Variants in CFAP20 observed in about 807,000 individuals in gnomAD.
The protein encoded by CFAP20 is cilia- and flagella-associated protein 20.
CFAP20 carries 14 observed loss-of-function variants against 25.5 expected under a neutral mutation model. The observed-to-expected ratio is 0.55, with a 90% confidence interval of 0.36 to 0.86. The LOEUF (loss-of-function observed/expected upper bound fraction) is 0.86, where lower values mean the gene tolerates loss of function less well. Among genes scored for constraint, CFAP20 ranks in the 40% least tolerant of loss-of-function variants. The pLI is 0.01. For synonymous variants in CFAP20, 75 were observed against 91.1 expected, an observed-to-expected ratio of 0.82 and a Z score of 1.01; for missense variants, 181 against 248.0, an observed-to-expected ratio of 0.73 and a Z score of 1.81.
chr16:58,128,244 A>G (rs1597090265), intron 1 of CFAP20, among the ~76,000 whole-genome samples: 1 of 152,228 alleles, frequency 6.6e-6, no homozygotes, highest in African/African-American at 2.4e-5. Context: ...CGTGGGGCCA[A>G]ACACATATCA....
intron 3 of CFAP20, chr16:58,115,817 T>A (rs189635575): frequency 2.0e-6 from 1 of 511,292 alleles, no homozygotes; most frequent in Admixed American, 3.4e-5. Context: ...TCTGACACTT[T>A]GAAATTACTA....
intron 1 of CFAP20, among the ~76,000 whole-genome samples, chr16:58,122,101 G>A (rs1960541368): frequency 6.6e-6 from 1 of 152,188 alleles, no homozygotes; most frequent in Admixed American, 6.5e-5. Context: ...GACCCCTGTG[G>A]GGAGAACTGA....
chr16:58,122,890 G>A (rs947742446), intron 1 of CFAP20, among the ~76,000 whole-genome samples: 2 of 152,232 alleles, frequency 1.3e-5, no homozygotes, highest in South Asian at 2.1e-4. Flanking sequence ...TAGTCTTGGA[G>A]TAGGGGAGAA....
chr16:58,117,889 T>C (rs1960480231), intron 1 of CFAP20, among the ~76,000 whole-genome samples: 2 of 152,234 alleles, frequency 1.3e-5, no homozygotes, highest in Non-Finnish European at 2.9e-5. Context: ...AAAGCAGGAA[T>C]TCAATTCCCA....
intron 2 of CFAP20, chr16:58,116,521 G>T (rs1251276577): frequency 2.8e-6 from 1 of 358,944 alleles, no homozygotes; most frequent in African/African-American, 2.0e-5. Context: ...CCCACTGGAT[G>T]AGCTGTACAA....
intron 2 of CFAP20, chr16:58,116,429 C>T (rs1960458790): frequency 3.0e-6 from 1 of 336,972 alleles, no homozygotes; most frequent in African/African-American, 2.1e-5. Flanking sequence ...TGAGAGAAGA[C>T]CTCAATTCTG....
intron 5 of CFAP20, 21 bp downstream of exon 5, chr16:58,114,789 C>G: frequency 6.3e-7 from 1 of 1,586,728 alleles, no homozygotes; most frequent in Non-Finnish European, 8.7e-7. Flanking sequence ...GTGGACCTTC[C>G]TCTGGGGAAG....
intron 1 of CFAP20, 124 bp from the exon 2 acceptor site, chr16:58,117,075 A>C (rs1196952005): frequency 7.9e-6 from 6 of 763,496 alleles, no homozygotes; most frequent in Non-Finnish European, 8.6e-6. Context: ...ACTGAAGCTT[A>C]TATGTAAGTA....
At chr16:58,128,094 C>T (rs1209565883) in intron 1 of CFAP20, among the ~76,000 whole-genome samples, 1 of 152,150 alleles carries the variant, frequency 6.6e-6, no homozygotes, top group Admixed American at 6.5e-5. Flanking sequence ...GAGTGCCTCC[C>T]GTAACTTATA....
Position 58,113,800 on chromosome 16 carries a change from C to A in CFAP20, c.*225G>T, listed in dbSNP as rs1211597582. ...GGGCAGGCGGCGGAATAAGCTCCAG[C>A]GTTCATGCGCCACTCACAGGACTGC... On this transcript the variant is annotated 3_prime_UTR_variant, in exon 6 of 6. Transcript: ENST00000262498. 1 of 541,452 alleles carries A rather than the reference C, an allele frequency of 1.8e-6. No individual in the cohort carries two copies. The highest frequency in any genetic ancestry group is 3.3e-6 in the Non-Finnish European group (1 of 301,772). The allele number at this position is 541,452 out of a possible 1,614,324, so 33.5% of individuals were successfully genotyped here.
intron 1 of CFAP20, 61 bp downstream of exon 1, chr16:58,128,971 C>T (rs1404146247): frequency 2.6e-6 from 4 of 1,539,714 alleles, no homozygotes; most frequent in Non-Finnish European, 3.6e-6. Flanking sequence ...CCGTCCCCAG[C>T]CCCCGGACGA....
rs181321786 is a variant in CFAP20, at chr16:58,125,755, A to C, written c.84+3277T>G. On this transcript the variant is annotated intron_variant, in intron 1 of 5. Coordinates refer to ENST00000262498, the MANE Select transcript of CFAP20 (RefSeq NM_013242.3). The stretch of plus-strand genomic sequence containing the variant: ...TAAGCCAGTAACATAGTCATTTATC[A>C]TCAAGTGTTAGGCACTGAACATCAT... Among the ~76,000 whole-genome samples, 28 of 152,380 alleles carry C rather than the reference A, an allele frequency of 1.8e-4. No homozygotes were observed. The East Asian group carries it at 5.4e-3, about 29-fold the overall frequency.
chr16:58,127,133 AG>A (rs1960625827), intron 1 of CFAP20, among the ~76,000 whole-genome samples: 2 of 152,222 alleles, frequency 1.3e-5, no homozygotes, highest in East Asian at 3.8e-4. Flanking sequence ...TCCGACCTCT[AG>A]TGGCGTTGTT....
chr16:58,125,619 G>A (rs1418686240), intron 1 of CFAP20, among the ~76,000 whole-genome samples: 1 of 152,204 alleles, frequency 6.6e-6, no homozygotes, highest in East Asian at 1.9e-4. Flanking sequence ...AGGAGATGGA[G>A]ACTGCAGTGA....
At chr16:58,117,010 T>C in intron 1 of CFAP20, 59 bp from the exon 2 acceptor site, 1 of 1,542,584 alleles carries the variant, frequency 6.5e-7, no homozygotes, top group Non-Finnish European at 8.9e-7. Flanking sequence ...ATAGGACTAT[T>C]TAAAGAAAAC....
intron 1 of CFAP20, among the ~76,000 whole-genome samples, chr16:58,124,712 G>A (rs1960587679): frequency 6.6e-6 from 1 of 152,244 alleles, no homozygotes; most frequent in African/African-American, 2.4e-5. Flanking sequence ...AGTTGCTCTG[G>A]GTTGAGTCAG....
At chr16:58,114,710 CAGAG>C in intron 5 of CFAP20, 96 bp downstream of exon 5, 2 of 921,916 alleles carry the variant, frequency 2.2e-6, no homozygotes, top group South Asian at 1.5e-5. Flanking sequence ...AGTGTCAACA[CAGAG>C]AGGCTCTGCA....
chr16:58,122,264 A>G (rs1012021307), intron 1 of CFAP20, among the ~76,000 whole-genome samples: 1 of 152,218 alleles, frequency 6.6e-6, no homozygotes, highest in Non-Finnish European at 1.5e-5. Flanking sequence ...GTGCACAGCT[A>G]AGAAAAGGCA....
chr16:58,123,528 G>A lies in CFAP20; in HGVS notation c.84+5504C>T, dbSNP rs923136494. On this transcript the variant is annotated intron_variant, in intron 1 of 5. Coordinates refer to ENST00000262498, the MANE Select transcript of CFAP20 (RefSeq NM_013242.3). ...GGAGAATGGCGTGAACCCAGGTGGT[G>A]GAGCCTGCAGTGAGCCGAGATCGTG... Among the ~76,000 whole-genome samples, 47 of 144,058 alleles carry A rather than the reference G, an allele frequency of 3.3e-4. No homozygotes were observed. The East Asian group carries it at 7.3e-3, about 22-fold the overall frequency. 94.5% of individuals were successfully genotyped at this position (144,058 alleles called of 152,430 possible).
Sources: allele counts gnomAD v4.1 joint callset (sites outside exome capture counted in the v4.1 genomes callset), GRCh38; gene constraint gnomAD v4.1.1; transcripts MANE v1.5; gene names NCBI Gene and HGNC (gene_info 2026-07-23, HGNC 2026-07-21).